Variants in RORB observed in about 807,000 individuals in gnomAD.
The protein encoded by RORB is RAR related orphan receptor B.
Under a neutral mutation model 59.1 loss-of-function variants are expected in RORB, and 6 were observed. That is an observed-to-expected ratio of 0.10 (90% CI 0.06 to 0.20). The LOEUF is 0.20. RORB is among the 10% of genes least tolerant of loss of function. RORB has a pLI of 1.00. For synonymous variants in RORB, 215 were observed against 204.5 expected (o/e 1.05, Z -0.44); for missense variants, 320 against 560.5 (o/e 0.57, Z 4.33).
chr9:74,577,282 C>G (rs185152669), intron 1 of RORB, among the ~76,000 whole-genome samples: 42 of 152,124 alleles, frequency 2.8e-4, no homozygotes, highest in Non-Finnish European at 5.0e-4. Context: ...AGAGTCCTAT[C>G]CTCCTTTTAA....
intron 1 of RORB, among the ~76,000 whole-genome samples, chr9:74,523,818 A>G (rs1241087320): frequency 4.6e-5 from 7 of 151,830 alleles, no homozygotes. Context: ...TTGAATTAAT[A>G]TTAAGTATGG....
chr9:74,663,468 A>G (rs954524752), intron 6 of RORB, among the ~76,000 whole-genome samples: 2 of 152,236 alleles, frequency 1.3e-5, no homozygotes, highest in East Asian at 1.9e-4. Context: ...TGGGCCAAAT[A>G]TAACTGTTAT....
intron 1 of RORB, among the ~76,000 whole-genome samples, chr9:74,589,812 C>G (rs1822859241): frequency 6.6e-6 from 1 of 152,166 alleles, no homozygotes; most frequent in East Asian, 1.9e-4. Context: ...CAGGGAAGTC[C>G]TTTCTAACCA....
At position 74,690,319 on chromosome 9, in the gene RORB, G is replaced by A. The variant is rs1012257460; in HGVS notation, c.*4701G>A. On this transcript the variant is annotated 3_prime_UTR_variant, in exon 10 of 10. Coordinates refer to ENST00000376896, the MANE Select transcript of RORB (RefSeq NM_006914.4). ...AGAGGGTAGTTTACCATTTAAAGCA[G>A]GGGTTGAAAATTCGAAAGCCTAAAA... 2.6e-5 allele frequency: 4 copies of A among 152,336 alleles called. No individual in the cohort carries two copies. In the South Asian group the frequency reaches 6.2e-4, roughly 24 times the overall value. The allele number at this position is 152,336 out of a possible 1,614,324, so 9.4% of individuals were successfully genotyped here.
intron 1 of RORB, among the ~76,000 whole-genome samples, chr9:74,616,841 C>G (rs1417868710): frequency 6.6e-6 from 1 of 152,050 alleles, no homozygotes; most frequent in African/African-American, 2.4e-5. Context: ...CATACACACA[C>G]ACACACAGAC....
At chr9:74,529,481 G>A (rs969499387) in intron 1 of RORB, among the ~76,000 whole-genome samples, 12 of 151,714 alleles carry the variant, frequency 7.9e-5, no homozygotes, top group African/African-American at 2.9e-4. Flanking sequence ...TTTGAAAATT[G>A]AGGCTTTCTT....
chr9:74,511,209 A>G lies in RORB; in HGVS notation c.7+13226A>G, dbSNP rs141844681. ...TACGTCACTGGCATTAAATCTCTACATGTACTTAATCATTTATTTTAGGTA... is the reference window on the plus strand; with the variant it reads ...TACGTCACTGGCATTAAATCTCTACGTGTACTTAATCATTTATTTTAGGTA... On this transcript the variant is annotated intron_variant, in intron 1 of 9. Coordinates refer to ENST00000376896, the MANE Select transcript of RORB (RefSeq NM_006914.4). Among the ~76,000 whole-genome samples the G allele has an allele frequency of 3.9e-3, 588 of 152,256 alleles. 5 individuals carry two copies. Among genetic ancestry groups the G allele is most frequent in the African/African-American group, 0.013 (558 of 41,548 alleles).
chr9:74,661,022 C>T (rs548435052), intron 5 of RORB, among the ~76,000 whole-genome samples: 1 of 152,292 alleles, frequency 6.6e-6, no homozygotes, highest in South Asian at 2.1e-4. Flanking sequence ...ACTACAGAGA[C>T]CGTGCCTTCA....
chr9:74,606,912 G>C (rs1823158267), intron 1 of RORB, among the ~76,000 whole-genome samples: 1 of 152,122 alleles, frequency 6.6e-6, no homozygotes, highest in African/African-American at 2.4e-5. Context: ...TAAAGAAGCA[G>C]GTATTCTATT....
chr9:74,649,508 T>G lies in RORB; in HGVS notation c.637+6693T>G, dbSNP rs551758220. On this transcript the variant is annotated intron_variant, in intron 4 of 9. Coordinates refer to ENST00000376896, the MANE Select transcript of RORB (RefSeq NM_006914.4). ...GTATTAACCAGTCTATGACTATGAA[T>G]TATCGTAGAGGATACCTGGAGCCAC... 3.3e-5 allele frequency among the ~76,000 whole-genome samples: 5 copies of G among 152,300 alleles called. No individual in the cohort carries two copies. In the East Asian group the frequency reaches 9.7e-4, roughly 29 times the overall value.
At chr9:74,605,475 A>G (rs1006708679) in intron 1 of RORB, among the ~76,000 whole-genome samples, 9 of 152,170 alleles carry the variant, frequency 5.9e-5, no homozygotes, top group African/African-American at 1.9e-4. Context: ...TGTGTCCACC[A>G]TGGTAGCCAC....
At chr9:74,519,209 G>C (rs1826051122) in intron 1 of RORB, among the ~76,000 whole-genome samples, 1 of 152,006 alleles carries the variant, frequency 6.6e-6, no homozygotes, top group Non-Finnish European at 1.5e-5. Context: ...AGCCAGAAAG[G>C]TTGTGCTGAT....
intron 1 of RORB, among the ~76,000 whole-genome samples, chr9:74,565,396 T>G (rs1413447010): frequency 6.6e-6 from 1 of 152,174 alleles, no homozygotes; most frequent in Non-Finnish European, 1.5e-5. Context: ...TTGAGACATA[T>G]TCACTTCAAA....
At chr9:74,665,838 C>T (rs991172460) in intron 7 of RORB, among the ~76,000 whole-genome samples, 4 of 152,170 alleles carry the variant, frequency 2.6e-5, no homozygotes, top group African/African-American at 9.7e-5. Flanking sequence ...ATTGAGACAT[C>T]GTTCATTCAG....
chr9:74,681,760 T>C (rs1389085092), intron 9 of RORB, among the ~76,000 whole-genome samples: 1 of 152,150 alleles, frequency 6.6e-6, no homozygotes, highest in Non-Finnish European at 1.5e-5. Context: ...TCTTATACAT[T>C]TCATGTCACA....
At chr9:74,660,455 A>G (rs1824164151) in intron 4 of RORB, among the ~76,000 whole-genome samples, 162 bp from the exon 5 acceptor site, 1 of 152,246 alleles carries the variant, frequency 6.6e-6, no homozygotes. Context: ...GAAAAAATGC[A>G]ATAAAGAGTT....
At chr9:74,669,203 G>T (rs1185125605) in intron 8 of RORB, among the ~76,000 whole-genome samples, 3 of 152,188 alleles carry the variant, frequency 2.0e-5, no homozygotes, top group African/African-American at 7.2e-5. Flanking sequence ...ACTAGGCCTG[G>T]CATGGTGGCT....
At chr9:74,579,022 G>GA (rs1182753577) in intron 1 of RORB, among the ~76,000 whole-genome samples, 2 of 152,086 alleles carry the variant, frequency 1.3e-5, no homozygotes, top group Non-Finnish European at 2.9e-5. Flanking sequence ...TCTTCCCAAC[G>GA]AACTAGTGTT....
At chr9:74,614,657 A>C (rs966352113) in intron 1 of RORB, among the ~76,000 whole-genome samples, 7 of 152,158 alleles carry the variant, frequency 4.6e-5, no homozygotes, top group Non-Finnish European at 8.8e-5. Flanking sequence ...AAGAGCTTTC[A>C]AAGGTGGTAG....
Sources: allele counts gnomAD v4.1 joint callset (sites outside exome capture counted in the v4.1 genomes callset), GRCh38; gene constraint gnomAD v4.1.1; transcripts MANE v1.5; gene names NCBI Gene and HGNC (gene_info 2026-07-23, HGNC 2026-07-21).